Variants in CCDC47 observed in about 807,000 individuals in gnomAD.
CCDC47 encodes PAT complex subunit CCDC47.
CCDC47 carries 41 observed loss-of-function variants against 60.5 expected under a neutral mutation model. That is an observed-to-expected ratio of 0.68 (90% CI 0.53 to 0.88). CCDC47 has a LOEUF of 0.88. CCDC47 is among the 40% of genes least tolerant of loss of function. CCDC47 has a pLI of 0.00. For missense variants in CCDC47, 513 were observed against 580.9 expected (o/e 0.88, Z 1.20); for synonymous variants, 195 against 190.7 (o/e 1.02, Z -0.18).
chr17:63,764,174 T>C lies in CCDC47; in HGVS notation c.389A>G (p.Gln130Arg), dbSNP rs1797055398. The change falls in exon 4 of 13, where the codon CAG becomes CGG. Residue 130 changes from glutamine (Q) to arginine (R), a missense_variant. Gln to Arg is a conservative substitution (Grantham distance 43). Transcript: ENST00000225726. ...TAGATAATAACTCTCCCAGCTGTTC[T>C]GGAGGTGTGCAGGAACCTAAAAAAG... ...ITIVDVPAHL[Q>R]NSWESYYLEI... is the part of the protein sequence containing the mutation. The C allele has an allele frequency of 6.2e-7, 1 of 1,608,370 alleles. No homozygotes were observed. Among genetic ancestry groups the C allele is most frequent in the Non-Finnish European group, 8.5e-7 (1 of 1,178,272 alleles).
intron 6 of CCDC47, among the ~76,000 whole-genome samples, chr17:63,759,550 TATATATATATATATATATATATATATAA>T (rs2039238647): frequency 3.5e-5 from 1 of 28,624 alleles, no homozygotes; most frequent in Non-Finnish European, 6.0e-5. Flanking sequence ...TATATATATA[TATATATATATATATATATATATATATAA>T]AACAATGATT....
intron 4 of CCDC47, chr17:63,761,820 T>C (rs2039263914): frequency 5.1e-6 from 5 of 980,082 alleles, no homozygotes; most frequent in Non-Finnish European, 6.1e-6. Context: ...GGGACTGAAA[T>C]AGATTAGCAC....
intron 12 of CCDC47, among the ~76,000 whole-genome samples, chr17:63,751,005 G>T (rs1339791255): frequency 6.6e-6 from 1 of 151,000 alleles, no homozygotes; most frequent in Non-Finnish European, 1.5e-5. Context: ...CTCCCAAGTA[G>T]TTGGGACTAC....
At chr17:63,772,099 A>C (rs1420826491) in intron 1 of CCDC47, among the ~76,000 whole-genome samples, 3 of 151,844 alleles carry the variant, frequency 2.0e-5, no homozygotes, top group Admixed American at 6.6e-5. Context: ...TAGATAAATA[A>C]TAAAATAAAA....
intron 1 of CCDC47, among the ~76,000 whole-genome samples, chr17:63,772,520 T>C (rs1478925521): frequency 6.6e-6 from 1 of 152,146 alleles, no homozygotes; most frequent in Non-Finnish European, 1.5e-5. Context: ...CCCAAAGTGC[T>C]GGGATTACAG....
intron 12 of CCDC47, among the ~76,000 whole-genome samples, chr17:63,750,804 G>A (rs2144469494): frequency 6.6e-6 from 1 of 151,844 alleles, no homozygotes; most frequent in South Asian, 2.1e-4. Context: ...GGTCAGGCTG[G>A]TCTCGAACTC....
At chr17:63,766,476 C>T (rs73329923) in intron 1 of CCDC47, among the ~76,000 whole-genome samples, 2,578 of 152,084 alleles carry the variant, frequency 0.017, 72 homozygotes, top group African/African-American at 0.058. Flanking sequence ...CAGGTTGGAG[C>T]ACAATGGTGT....
intron 6 of CCDC47, among the ~76,000 whole-genome samples, chr17:63,757,535 C>G (rs1209855623): frequency 1.3e-5 from 2 of 152,118 alleles, no homozygotes; most frequent in Admixed American, 6.6e-5. Flanking sequence ...AGGACCCACT[C>G]AATACATGCT....
At chr17:63,764,434 C>T (rs2039282871) in intron 3 of CCDC47, among the ~76,000 whole-genome samples, 1 of 152,210 alleles carries the variant, frequency 6.6e-6, no homozygotes, top group Non-Finnish European at 1.5e-5. Context: ...TTGTTTTACA[C>T]TTGGTCCTTA....
chr17:63,752,224 A>C (rs1173230346), intron 11 of CCDC47, 96 bp downstream of exon 11: 1 of 1,439,452 alleles, frequency 6.9e-7, no homozygotes, highest in East Asian at 2.3e-5. Flanking sequence ...ATCAACTAGC[A>C]AAAATTCAGT....
At chr17:63,755,939 A>G (rs1240497673) in intron 8 of CCDC47, among the ~76,000 whole-genome samples, 1 of 151,946 alleles carries the variant, frequency 6.6e-6, no homozygotes, top group Non-Finnish European at 1.5e-5. Flanking sequence ...AAAAAAAAAA[A>G]AAGACTAAAT....
chr17:63,758,928 T>A (rs2039228267), intron 6 of CCDC47, among the ~76,000 whole-genome samples: 1 of 152,098 alleles, frequency 6.6e-6, no homozygotes, highest in Non-Finnish European at 1.5e-5. Flanking sequence ...ACATATTTGT[T>A]GAAGCAATTT....
chr17:63,764,121 C>G lies in CCDC47; in HGVS notation c.442G>C (p.Ala148Pro). The change falls in exon 4 of 13, where the codon GCT becomes CCT. Residue 148 changes from alanine (A) to proline (P), a missense_variant. Transcript: ENST00000225726. ...LEILMVTGLL[A>P]YIMNYIIGKN... ...CCAATGATGTAATTCATGATATAAG[C>G]AAGCAGACCAGTCACCATCAAAATT... 6.2e-7 allele frequency: 1 copy of G among 1,612,304 alleles called. No homozygotes were observed. Among genetic ancestry groups the G allele is most frequent in the Non-Finnish European group, 8.5e-7 (1 of 1,179,508 alleles).
At chr17:63,768,855 A>T (rs903185589) in intron 1 of CCDC47, among the ~76,000 whole-genome samples, 3 of 152,004 alleles carry the variant, frequency 2.0e-5, no homozygotes, top group African/African-American at 7.2e-5. Context: ...AGGCCAAGGT[A>T]GGCAGATCAC....
At chr17:63,749,960 T>C (rs1423938205) in intron 12 of CCDC47, among the ~76,000 whole-genome samples, 3 of 151,502 alleles carry the variant, frequency 2.0e-5, no homozygotes, top group Admixed American at 6.6e-5. Context: ...GTCTCAAAAA[T>C]AAAAATAAAA....
At chr17:63,765,387 C>CT (rs1315628249) in intron 2 of CCDC47, among the ~76,000 whole-genome samples, 3 of 151,950 alleles carry the variant, frequency 2.0e-5, no homozygotes, top group Non-Finnish European at 4.4e-5. Context: ...ATCACCCAGG[C>CT]TGAAGTGCAG....
At position 63,764,057 on chromosome 17, in the gene CCDC47, T is replaced by C; in HGVS notation, c.506A>G (p.Asn169Ser). Residue 169 changes from asparagine (N) to serine (S), a missense_variant, in exon 4 of 13, where the codon AAC becomes AGC. Transcript: ENST00000225726. ...KNSRLAQAWF[N>S]THRELLESNF... ...GCTCTCCAAAAGCTCCCTATGAGTG[T>C]TAAACCAGGCCTGTGCAAGGCGACT... 1 of 1,610,726 alleles carries C rather than the reference T, an allele frequency of 6.2e-7. No individual in the cohort carries two copies. Among genetic ancestry groups the C allele is most frequent in the Middle Eastern group, 1.7e-4 (1 of 6,042 alleles).
At position 63,761,912 on chromosome 17, in the gene CCDC47, C is replaced by G. The variant is rs982597793; in HGVS notation, c.548-561G>C. On this transcript the variant is annotated intron_variant, in intron 4 of 12. Coordinates refer to ENST00000225726, the MANE Select transcript of CCDC47 (RefSeq NM_020198.3). The stretch of plus-strand genomic sequence containing the variant: ...ACATGCTTGTCAGTTTAACGATGAT[C>G]AGCTTAGAGTATAAGTCTCTCAGAG... 7.1e-6 allele frequency: 5 copies of G among 701,744 alleles called. No homozygotes were observed. In the East Asian group the frequency reaches 4.0e-4, roughly 56 times the overall value. 43.5% of individuals were successfully genotyped at this position (701,744 alleles called of 1,614,324 possible).
rs1260237074 is a variant in CCDC47 at position 63,745,404 on chromosome 17, T to C, written c.*1477A>G. ...AGACTATCAACTTTGATTTCTAAAATGTAATTTAAAGGTTTGTAAAACAAG... is the reference window on the plus strand; with the variant it reads ...AGACTATCAACTTTGATTTCTAAAACGTAATTTAAAGGTTTGTAAAACAAG... On this transcript the variant is annotated 3_prime_UTR_variant, in exon 13 of 13. Coordinates refer to ENST00000225726, the MANE Select transcript of CCDC47 (RefSeq NM_020198.3). 1 of 152,610 alleles carries C rather than the reference T, an allele frequency of 6.6e-6. No individual in the cohort carries two copies. Among genetic ancestry groups the C allele is most frequent in the East Asian group, 1.9e-4 (1 of 5,202 alleles). 9.5% of individuals were successfully genotyped at this position (152,610 alleles called of 1,614,324 possible).
Sources: gnomAD v4.1 joint callset for allele counts (sites outside exome capture counted in the v4.1 genomes callset) on GRCh38, gnomAD v4.1.1 for gene constraint, MANE v1.5 for transcripts, NCBI Gene and HGNC (gene_info 2026-07-23, HGNC 2026-07-21) for gene names.